The following FGF14 variants were observed in gnomAD, a reference collection of about 807,000 sequenced individuals.
FGF14 encodes the protein fibroblast growth factor 14, also known as fibroblast growth factor homologous factor 4.
FGF14 carries 5 observed loss-of-function variants against 25.5 expected under a neutral mutation model. That is an observed-to-expected ratio of 0.20 (90% CI 0.10 to 0.41). The LOEUF is 0.41. Among genes scored for constraint, FGF14 ranks in the 10% least tolerant of loss-of-function variants. The pLI is 1.00. For missense variants in FGF14, 222 were observed against 320.1 expected, an observed-to-expected ratio of 0.69 and a Z score of 2.34; for synonymous variants, 138 against 118.3, an observed-to-expected ratio of 1.17 and a Z score of -1.08.
Position 101,865,901 on chromosome 13 carries a change from T to G in FGF14, c.408+2824A>C, listed in dbSNP as rs535480248. 3.9e-5 allele frequency among the ~76,000 whole-genome samples: 6 copies of G among 152,194 alleles called. No individual in the cohort carries two copies. In the South Asian group the frequency reaches 8.3e-4, roughly 21 times the overall value. On this transcript the variant is annotated intron_variant, in intron 3 of 4. Coordinates refer to ENST00000376143, the MANE Select transcript of FGF14 (RefSeq NM_004115.4). ...TTAAAAAATTAGGATAAACTTAGAA[T>G]GGATGACTTCATTTGTCTGATTTAA...
chr13:101,892,637 C>A (rs185385364), intron 1 of FGF14, among the ~76,000 whole-genome samples: 1 of 152,264 alleles, frequency 6.6e-6, no homozygotes, highest in East Asian at 1.9e-4. Flanking sequence ...ATCCTAAAAT[C>A]TCCAGGAACA....
chr13:102,111,805 A>G (rs990201787), intron 1 of FGF14, among the ~76,000 whole-genome samples: 1 of 151,906 alleles, frequency 6.6e-6, no homozygotes, highest in Non-Finnish European at 1.5e-5. Flanking sequence ...AAGCAAAACA[A>G]AAACAAACAA....
chr13:102,330,545 CA>C (rs2056602319), intron 1 of FGF14, among the ~76,000 whole-genome samples: 1 of 152,174 alleles, frequency 6.6e-6, no homozygotes, highest in South Asian at 2.1e-4. Flanking sequence ...CACCTAACTC[CA>C]AAACACTGCC....
chr13:101,773,810 G>A (rs2038927500), intron 3 of FGF14, among the ~76,000 whole-genome samples: 2 of 149,684 alleles, frequency 1.3e-5, no homozygotes, highest in African/African-American at 4.9e-5. Context: ...TCCCAACCAG[G>A]TGTGAGTATT....
intron 1 of FGF14, among the ~76,000 whole-genome samples, chr13:101,982,254 A>G (rs903066952): frequency 6.6e-6 from 1 of 152,208 alleles, no homozygotes; most frequent in African/African-American, 2.4e-5. Context: ...TCTAATTAAT[A>G]CATGGTTTTA....
chr13:102,166,076 A>AAC (rs1322738291), intron 1 of FGF14, among the ~76,000 whole-genome samples: 1 of 151,408 alleles, frequency 6.6e-6, no homozygotes, highest in Non-Finnish European at 1.5e-5. Context: ...GCATCCATTG[A>AAC]ACACTCCCTA....
chr13:102,258,206 C>G (rs777446527), intron 1 of FGF14, among the ~76,000 whole-genome samples: 4 of 152,146 alleles, frequency 2.6e-5, no homozygotes, highest in Non-Finnish European at 4.4e-5. Context: ...CACCAGGTCC[C>G]TCCCATAACA....
At chr13:102,057,707 T>C (rs979827446) in intron 1 of FGF14, among the ~76,000 whole-genome samples, 9 of 152,290 alleles carry the variant, frequency 5.9e-5, no homozygotes, top group South Asian at 4.1e-4. Flanking sequence ...GACAGTAATT[T>C]CTTAATGCAT....
At chr13:101,730,078 G>T (rs1211720458) in intron 3 of FGF14, among the ~76,000 whole-genome samples, 2 of 152,116 alleles carry the variant, frequency 1.3e-5, no homozygotes, top group African/African-American at 4.8e-5. Context: ...ATAATAAAGG[G>T]TCTTGAAAAC....
intron 1 of FGF14, among the ~76,000 whole-genome samples, chr13:101,884,901 G>A (rs988568634): frequency 3.3e-5 from 5 of 151,516 alleles, no homozygotes; most frequent in African/African-American, 9.7e-5. Flanking sequence ...ACAGAGTAAA[G>A]TATGGCAAAC....
chr13:102,269,352 T>C (rs2141153033), intron 1 of FGF14, among the ~76,000 whole-genome samples: 1 of 152,290 alleles, frequency 6.6e-6, no homozygotes, highest in South Asian at 2.1e-4. Flanking sequence ...GGGAAGACCA[T>C]AAAAAGCATA....
At position 101,737,060 on chromosome 13, in the gene FGF14, T is replaced by C. The variant is rs187388319; in HGVS notation, c.409-10250A>G. On this transcript the variant is annotated intron_variant, in intron 3 of 4. Coordinates refer to ENST00000376143, the MANE Select transcript of FGF14 (RefSeq NM_004115.4). ...TTCATTATTTTAGCCTTATGTTTTA[T>C]AAGCATTGGGTTGGGAGTAGGATAT... Among the ~76,000 whole-genome samples the C allele has an allele frequency of 7.8e-4, 117 of 149,450 alleles. 1 individual carries two copies. The highest frequency in any genetic ancestry group is 2.6e-3 in the African/African-American group (107 of 41,334).
intron 3 of FGF14, among the ~76,000 whole-genome samples, chr13:101,864,877 G>T (rs1401211281): frequency 6.6e-6 from 1 of 152,036 alleles, no homozygotes; most frequent in Non-Finnish European, 1.5e-5. Flanking sequence ...TTATCATTCA[G>T]AAAAATCAAT....
At chr13:102,197,291 A>T (rs60043990) in intron 1 of FGF14, among the ~76,000 whole-genome samples, 29,984 of 152,114 alleles carry the variant, frequency 0.2, 3,117 homozygotes, top group South Asian at 0.24. Flanking sequence ...TGAGTAGGAA[A>T]CAATTTCAAG....
intron 1 of FGF14, among the ~76,000 whole-genome samples, chr13:102,080,010 G>T (rs1463663549): frequency 6.6e-6 from 1 of 152,144 alleles, no homozygotes; most frequent in Non-Finnish European, 1.5e-5. Context: ...AGAGGAAGAA[G>T]CTGGGAGATG....
At chr13:102,348,130 T>C (rs912886419) in intron 1 of FGF14, among the ~76,000 whole-genome samples, 1 of 152,116 alleles carries the variant, frequency 6.6e-6, no homozygotes, top group African/African-American at 2.4e-5. Context: ...ATAATTCAAA[T>C]GTCCCCTGTA....
intron 1 of FGF14, among the ~76,000 whole-genome samples, chr13:101,969,923 T>C (rs1014465351): frequency 1.3e-5 from 2 of 152,246 alleles, no homozygotes; most frequent in African/African-American, 2.4e-5. Context: ...TAAGTATTCC[T>C]GCCGGTAGCA....
intron 1 of FGF14, among the ~76,000 whole-genome samples, chr13:102,393,420 TA>T (rs1254079709): frequency 1.3e-5 from 2 of 152,226 alleles, no homozygotes; most frequent in East Asian, 3.8e-4. Flanking sequence ...CACGTGGACC[TA>T]AAAGAAATAA....
At chr13:102,339,995 A>G (rs960500542) in intron 1 of FGF14, among the ~76,000 whole-genome samples, 5 of 152,250 alleles carry the variant, frequency 3.3e-5, no homozygotes, top group Admixed American at 2.0e-4. Flanking sequence ...GACACACGGA[A>G]TAAGAAAGGA....
Sources: allele counts gnomAD v4.1 joint callset (sites outside exome capture counted in the v4.1 genomes callset), GRCh38; gene constraint gnomAD v4.1.1; transcripts MANE v1.5; gene names NCBI Gene and HGNC (gene_info 2026-07-23, HGNC 2026-07-21).